Variants in FGD1 observed in about 807,000 individuals in gnomAD.
FGD1 encodes FYVE, RhoGEF and PH domain-containing protein 1.
In FGD1, 12 loss-of-function variants were observed where a neutral mutation model predicts 65.0. That is an observed-to-expected ratio of 0.18 (90% CI 0.12 to 0.30). FGD1 has a LOEUF of 0.30. Ranked by LOEUF, FGD1 falls within the 10% of genes least tolerant of loss-of-function variation. The pLI is 1.00. For synonymous variants in FGD1, 333 were observed against 343.9 expected (o/e 0.97, Z 0.35); for missense variants, 542 against 837.6 (o/e 0.65, Z 4.36).
chrX:54,450,361 G>A, intron 12 of FGD1, 60 bp from the exon 13 acceptor site: 1 of 1,096,088 alleles, frequency 9.1e-7, no homozygotes, highest in South Asian at 1.8e-5. Flanking sequence ...AAAAGCAATA[G>A]GAGTGGAAGA....
chrX:54,462,765 C>T (rs868000778), intron 8 of FGD1, among the ~76,000 whole-genome samples: 2 of 83,816 alleles, frequency 2.4e-5, no homozygotes, highest in South Asian at 5.8e-4. Context: ...GCTGCTCCTT[C>T]TTTTTTTTTT....
At position 54,495,757 on chromosome X, in the gene FGD1, G is replaced by A. The variant is rs1923526866; in HGVS notation, c.-325C>T. On this transcript the variant is annotated 5_prime_UTR_variant, in exon 1 of 18. Coordinates refer to ENST00000375135, the MANE Select transcript of FGD1 (RefSeq NM_004463.3). ...TGGGGAGCGCTGTCTATGCGGCTGC[G>A]GTTGGGCGAGGGTTGGAGGGCTACG... 8.9e-6 allele frequency: 1 copy of A among 112,097 alleles called. No individual in the cohort carries two copies. The highest frequency in any genetic ancestry group is 9.3e-5 in the Admixed American group (1 of 10,748). 9.2% of individuals were successfully genotyped at this position (112,097 alleles called of 1,213,427 possible).
chrX:54,489,567 A>G (rs1188052936), intron 1 of FGD1, among the ~76,000 whole-genome samples: 2 of 110,952 alleles, frequency 1.8e-5, no homozygotes, highest in Non-Finnish European at 3.8e-5. Flanking sequence ...CCTGGGTGAC[A>G]GAGAAAAAAA....
In FGD1 at chrX:54,494,998, G is replaced by A; in HGVS notation, c.307+128C>T. 5.8e-6 allele frequency: 4 copies of A among 692,644 alleles called. No individual in the cohort carries two copies. The Admixed American group carries it at 8.0e-5, about 14-fold the overall frequency. 57.1% of individuals were successfully genotyped at this position (692,644 alleles called of 1,213,427 possible). A position where few individuals can be genotyped will look rare whatever the true frequency, so the allele number is the denominator to read the frequency against. ...GACGTGGGGAGGAGGAGGGGTTTGA[G>A]GGAACCCAAAGGGCCGAGGTAAGCG... On this transcript the variant is annotated intron_variant, in intron 1 of 17. Transcript: ENST00000375135.
In FGD1 at chrX:54,495,265, C is replaced by T; in HGVS notation, c.168G>A (p.Leu56=). The T allele has an allele frequency of 8.4e-7, 1 of 1,192,423 alleles. No homozygotes were observed. Among genetic ancestry groups the T allele is most frequent in the Non-Finnish European group, 1.1e-6 (1 of 886,842 alleles). The change falls in exon 1 of 18, where the codon CTG becomes CTA. Residue 56 remains leucine, a synonymous_variant. Transcript: ENST00000375135. ...CCGAGGGTCCGACAAACTGGGGATC[C>T]AGTGGGCCGCCAAGAGCCGAACCTG... ...RGSGSALGGP[L]DPQFVGPSDT...
chrX:54,493,354 C>A (rs2147447721), intron 1 of FGD1, among the ~76,000 whole-genome samples: 1 of 112,043 alleles, frequency 8.9e-6, no homozygotes, highest in Non-Finnish European at 1.9e-5. Flanking sequence ...CGCCTTGCCC[C>A]CATGGAGCTC....
At chrX:54,495,047 G>C in intron 1 of FGD1, 79 bp downstream of exon 1, 2 of 1,057,063 alleles carry the variant, frequency 1.9e-6, no homozygotes, top group Non-Finnish European at 2.6e-6. Flanking sequence ...GTGGGGCTTA[G>C]AGGGCTCGAG....
intron 14 of FGD1, 71 bp from the exon 15 acceptor site, chrX:54,449,339 G>C: frequency 8.6e-7 from 1 of 1,159,201 alleles, no homozygotes; most frequent in Admixed American, 2.3e-5. Flanking sequence ...CCTTGTTCCT[G>C]CTCCAACGCT....
At chrX:54,482,363 C>T (rs1923168696) in intron 1 of FGD1, among the ~76,000 whole-genome samples, 1 of 112,041 alleles carries the variant, frequency 8.9e-6, no homozygotes, top group African/African-American at 3.3e-5. Context: ...CCCTGCTTCT[C>T]TGGACTAGAG....
At position 54,446,266 on chromosome X, in the gene FGD1, C is replaced by T. The variant is rs771786145; in HGVS notation, c.2729G>A (p.Arg910Gln). The T allele has an allele frequency of 6.5e-4, 793 of 1,210,818 alleles. 5 individuals are homozygous for T. The South Asian group carries it at 0.013, about 20-fold the overall frequency. ...YFSPETEELQRRWMAVLGRAG... is the reference protein window; with the variant it reads ...YFSPETEELQQRWMAVLGRAG... ...CCGGCCAAGCACAGCCATCCAGCGT[C>T]GCTGTAGTTCCTCTGTCTCAGGGCT... Residue 910 changes from arginine (R) to glutamine (Q), a missense_variant, in exon 18 of 18, where the codon CGA (arginine) becomes CAA (glutamine). Arg to Gln is a conservative substitution (Grantham distance 43). Coordinates refer to ENST00000375135, the MANE Select transcript of FGD1 (RefSeq NM_004463.3).
At chrX:54,475,759 C>T (rs896101046) in intron 1 of FGD1, among the ~76,000 whole-genome samples, 1 of 112,356 alleles carries the variant, frequency 8.9e-6, no homozygotes, top group Non-Finnish European at 1.9e-5. Context: ...CCCTACTGTC[C>T]ATGGGAAAAT....
intron 1 of FGD1, among the ~76,000 whole-genome samples, chrX:54,482,866 C>T (rs1337705355): frequency 9.0e-6 from 1 of 111,528 alleles, no homozygotes; most frequent in African/African-American, 3.3e-5. Flanking sequence ...GATACAGACC[C>T]AGGCAGAGGG....
At chrX:54,469,698 C>T (rs1385795499) in intron 4 of FGD1, among the ~76,000 whole-genome samples, 1 of 111,788 alleles carries the variant, frequency 8.9e-6, no homozygotes, top group African/African-American at 3.3e-5. Flanking sequence ...GTTAGGCTGC[C>T]CGGGCACAGA....
chrX:54,493,345 G>A (rs1174201663), intron 1 of FGD1, among the ~76,000 whole-genome samples: 1 of 112,081 alleles, frequency 8.9e-6, no homozygotes, highest in East Asian at 2.8e-4. Flanking sequence ...AGATATAATC[G>A]CCTTGCCCCC....
chrX:54,472,922 T>C (rs1922929111), intron 1 of FGD1, among the ~76,000 whole-genome samples: 1 of 111,130 alleles, frequency 9.0e-6, no homozygotes, highest in Non-Finnish European at 1.9e-5. Context: ...CCACAAAGGG[T>C]CTGTTAGCTT....
intron 6 of FGD1, 102 bp downstream of exon 6, chrX:54,467,682 G>C: frequency 9.7e-6 from 9 of 930,622 alleles, no homozygotes; most frequent in Non-Finnish European, 1.4e-5. Flanking sequence ...AAGTCACTAA[G>C]AGGAAGAGCA....
chrX:54,475,844 A>T (rs1246980396), intron 1 of FGD1, among the ~76,000 whole-genome samples: 1 of 112,021 alleles, frequency 8.9e-6, no homozygotes, highest in African/African-American at 3.2e-5. Flanking sequence ...AGGTGGGTGG[A>T]TCACCTGAGG....
intron 12 of FGD1, among the ~76,000 whole-genome samples, chrX:54,453,594 G>A (rs1250872141): frequency 1.8e-5 from 2 of 111,258 alleles, no homozygotes; most frequent in Non-Finnish European, 1.9e-5. Flanking sequence ...TTTAAGAGGC[G>A]AGGTCTCGTT....
chrX:54,454,093 T>C (rs1193469819), intron 12 of FGD1, among the ~76,000 whole-genome samples: 1 of 111,930 alleles, frequency 8.9e-6, no homozygotes, highest in Non-Finnish European at 1.9e-5. Flanking sequence ...TTCATATATA[T>C]GTACATACAG....
Sources: gnomAD v4.1 joint callset for allele counts (sites outside exome capture counted in the v4.1 genomes callset) on GRCh38, gnomAD v4.1.1 for gene constraint, MANE v1.5 for transcripts, NCBI Gene and HGNC (gene_info 2026-07-23, HGNC 2026-07-21) for gene names.